Variants in CCDC112 observed in about 807,000 individuals in gnomAD.
The protein encoded by CCDC112 is coiled-coil domain containing 112.
A neutral mutation model predicts 66.3 loss-of-function variants in CCDC112; 40 were observed. That is an observed-to-expected ratio of 0.60 (90% CI 0.47 to 0.79). The LOEUF (loss-of-function observed/expected upper bound fraction) is 0.79, where lower values mean the gene tolerates loss of function less well. CCDC112 is among the 30% of genes least tolerant of loss of function. The pLI, the probability that CCDC112 is intolerant of heterozygous loss-of-function variation, is 0.00. For synonymous variants in CCDC112, 214 were observed against 197.2 expected (o/e 1.09, Z -0.71); for missense variants, 659 against 603.8 (o/e 1.09, Z -0.96).
At position 115,275,120 on chromosome 5, in the gene CCDC112, T is replaced by C. The variant is rs1201750735; in HGVS notation, c.918+96A>G. The C allele has an allele frequency of 6.6e-6, 6 of 914,472 alleles. No individual in the cohort carries two copies. The African/African-American group carries it at 8.4e-5, about 13-fold the overall frequency. The allele number at this position is 914,472 out of a possible 1,614,324, so 56.6% of individuals were successfully genotyped here. The stretch of plus-strand genomic sequence containing the variant: ...GGCGGGGAACTATAAACACACTTCA[T>C]GGGATTGCTGTAAAGTTAATGAGAC... On this transcript the variant is annotated intron_variant, in intron 6 of 9. Transcript: ENST00000379611.
intron 1 of CCDC112, chr5:115,296,103 A>G (rs1221816138): frequency 3.8e-6 from 4 of 1,058,360 alleles, no homozygotes; most frequent in East Asian, 1.3e-4. Context: ...CGTTAGTCCA[A>G]AGCTCGGGAG....
chr5:115,275,191 G>A (rs761343738), intron 6 of CCDC112, 25 bp downstream of exon 6: 66 of 1,522,192 alleles, frequency 4.3e-5, no homozygotes, highest in South Asian at 1.9e-4. Flanking sequence ...AACACAGAAT[G>A]AATAATAGCT....
intron 6 of CCDC112, among the ~76,000 whole-genome samples, chr5:115,274,176 G>T (rs1463994504): frequency 6.6e-6 from 1 of 152,088 alleles, no homozygotes; most frequent in African/African-American, 2.4e-5. Context: ...CCCTCCAGTG[G>T]ACAACTGGCT....
chr5:115,281,806 T>C (rs1386553981), intron 2 of CCDC112, among the ~76,000 whole-genome samples: 1 of 152,188 alleles, frequency 6.6e-6, no homozygotes, highest in African/African-American at 2.4e-5. Context: ...TAAAACTATA[T>C]CACAGTAACA....
chr5:115,289,911 G>T (rs1749850957), intron 1 of CCDC112, among the ~76,000 whole-genome samples: 1 of 152,148 alleles, frequency 6.6e-6, no homozygotes, highest in African/African-American at 2.4e-5. Flanking sequence ...TCAAACTCCT[G>T]GCCTCAAGCG....
In CCDC112 at chr5:115,271,539, A is replaced by G. The variant is rs759927817; in HGVS notation, c.1006T>C (p.Phe336Leu). ...TGATTATCCTCTTGTTTATTATGAA[A>G]AAGCACAGGTGTGTTGTCTGCCTTT... ...KEKADNTPVL[F>L]HNKQEDNQKQ... is the part of the protein sequence containing the mutation. The change falls in exon 7 of 10, where the codon TTT becomes CTT. Residue 336 changes from phenylalanine (F) to leucine (L), a missense_variant. Phe to Leu is a conservative substitution (Grantham distance 22). Transcript: ENST00000379611. 9.9e-6 allele frequency: 16 copies of G among 1,610,192 alleles called. No individual in the cohort carries two copies. Among genetic ancestry groups the G allele is most frequent in the African/African-American group, 1.3e-5 (1 of 74,746 alleles).
chr5:115,268,814 A>G, intron 9 of CCDC112, 68 bp downstream of exon 9: 1 of 676,662 alleles, frequency 1.5e-6, no homozygotes, highest in Admixed American at 2.8e-5. Flanking sequence ...TACATATAGT[A>G]AGTGCATAAA....
chr5:115,280,112 T>C (rs930846355), intron 2 of CCDC112, among the ~76,000 whole-genome samples: 2 of 152,216 alleles, frequency 1.3e-5, no homozygotes, highest in Non-Finnish European at 2.9e-5. Context: ...TCACTGCTGA[T>C]GACTGCTTTC....
chr5:115,288,276 C>G (rs1749771177), intron 1 of CCDC112, among the ~76,000 whole-genome samples: 1 of 152,184 alleles, frequency 6.6e-6, no homozygotes, highest in Non-Finnish European at 1.5e-5. Flanking sequence ...CCACCGCACC[C>G]AGCCACCATG....
At chr5:115,271,725 T>C (rs1466904420) in intron 6 of CCDC112, 99 bp from the exon 7 acceptor site, 4 of 788,348 alleles carry the variant, frequency 5.1e-6, no homozygotes, top group African/African-American at 3.6e-5. Context: ...AGAAAGAATA[T>C]TGATTGCAGA....
Position 115,268,664 on chromosome 5 carries a change from G to A in CCDC112, c.1547+218C>T, listed in dbSNP as rs868033664. On this transcript the variant is annotated intron_variant, in intron 9 of 9. Transcript: ENST00000379611. Reference sequence around the variant, plus strand: ...TTTTCATATATATATGAAAAAATATGTATATTTATAGATATTATATATCCT... The same window carrying A: ...TTTTCATATATATATGAAAAAATATATATATTTATAGATATTATATATCCT... 1.2e-4 allele frequency among the ~76,000 whole-genome samples: 17 copies of A among 146,816 alleles called. No individual in the cohort carries two copies. In the South Asian group the frequency reaches 3.2e-3, roughly 27 times the overall value.
intron 1 of CCDC112, among the ~76,000 whole-genome samples, chr5:115,289,524 T>C (rs1443700267): frequency 6.6e-6 from 1 of 152,240 alleles, no homozygotes; most frequent in Non-Finnish European, 1.5e-5. Context: ...TCATGCCCTG[T>C]GGAAATTCTT....
At position 115,271,259 on chromosome 5, in the gene CCDC112, T is replaced by C; in HGVS notation, c.1286A>G (p.Glu429Gly). Residue 429 changes from glutamate (E) to glycine (G), a missense_variant, in exon 7 of 10, where the codon GAA becomes GGA. Coordinates refer to ENST00000379611, the MANE Select transcript of CCDC112 (RefSeq NM_001040440.3). ...KEIREKAEKA[E>G]KRKNAADEIS... ...TTCATCAGCAGCATTTTTCCTTTTT[T>C]CTGCCTTTTCTGCCTTTTCCCTTAT... is the stretch of plus-strand genomic sequence containing the variant. The C allele has an allele frequency of 1.3e-6, 2 of 1,584,184 alleles. No individual in the cohort carries two copies. Among genetic ancestry groups the C allele is most frequent in the Non-Finnish European group, 1.7e-6 (2 of 1,172,770 alleles).
At chr5:115,288,907 G>T in intron 1 of CCDC112, 1 of 447,962 alleles carries the variant, frequency 2.2e-6, no homozygotes, top group Non-Finnish European at 4.5e-6. Flanking sequence ...TTACAAGATA[G>T]TTGATAAAAA....
chr5:115,278,610 A>G (rs1037559383), intron 3 of CCDC112, among the ~76,000 whole-genome samples: 1 of 152,168 alleles, frequency 6.6e-6, no homozygotes, highest in Non-Finnish European at 1.5e-5. Flanking sequence ...CATTACTGAG[A>G]CATAGAAAAA....
At chr5:115,275,172 G>A (rs763861748) in intron 6 of CCDC112, 44 bp downstream of exon 6, 3 of 1,445,934 alleles carry the variant, frequency 2.1e-6, no homozygotes, top group Non-Finnish European at 2.8e-6. Flanking sequence ...ACAGTGCCTA[G>A]AACATAGAAA....
At chr5:115,274,478 C>T (rs1749122277) in intron 6 of CCDC112, among the ~76,000 whole-genome samples, 1 of 151,926 alleles carries the variant, frequency 6.6e-6, no homozygotes, top group Non-Finnish European at 1.5e-5. Flanking sequence ...GTTTAAAAAT[C>T]TCAAAGAAAT....
Position 115,289,759 on chromosome 5 carries a change from C to T in CCDC112, c.118-4851G>A, listed in dbSNP as rs114035839. 2.8e-3 allele frequency among the ~76,000 whole-genome samples: 434 copies of T among 152,294 alleles called. 1 individual carries two copies. Among genetic ancestry groups the T allele is most frequent in the African/African-American group, 9.7e-3 (403 of 41,558 alleles). On this transcript the variant is annotated intron_variant, in intron 1 of 9. Transcript: ENST00000379611. ...GCGGCTTAATCCCGGCTCACTGCAA[C>T]CTCTACCTCCACCTCCCCAGTTCAA...
intron 6 of CCDC112, among the ~76,000 whole-genome samples, chr5:115,274,600 T>C (rs1749126487): frequency 6.6e-6 from 1 of 152,188 alleles, no homozygotes; most frequent in Non-Finnish European, 1.5e-5. Context: ...TCTGGATTGC[T>C]CACATTTCTG....
Sources: gnomAD v4.1 joint callset for allele counts (sites outside exome capture counted in the v4.1 genomes callset) on GRCh38, gnomAD v4.1.1 for gene constraint, MANE v1.5 for transcripts, NCBI Gene and HGNC (gene_info 2026-07-23, HGNC 2026-07-21) for gene names.